The following ABCB1 variants were observed in gnomAD, a reference collection of about 807,000 sequenced individuals.
The protein encoded by ABCB1 is ATP-dependent translocase ABCB1.
In ABCB1, 69 loss-of-function variants were observed where a neutral mutation model predicts 142.0. That is an observed-to-expected ratio of 0.49 (90% CI 0.40 to 0.59). ABCB1 has a LOEUF of 0.59. ABCB1 is among the 20% of genes least tolerant of loss of function. The probability of loss-of-function intolerance (pLI) is 0.00; values close to 1 mark genes in which losing one functional copy is unlikely to be tolerated. For missense variants in ABCB1, 1,326 were observed against 1,554.7 expected, an observed-to-expected ratio of 0.85 and a Z score of 2.47; for synonymous variants, 532 against 539.2, an observed-to-expected ratio of 0.99 and a Z score of 0.18.
intron 21 of ABCB1, among the ~76,000 whole-genome samples, chr7:87,527,061 T>C (rs1190585220): frequency 6.6e-6 from 1 of 152,180 alleles, no homozygotes; most frequent in Non-Finnish European, 1.5e-5. Flanking sequence ...TTCTTCTCAA[T>C]GATTTTTTTT....
intron 1 of ABCB1, chr7:87,650,889 A>G: frequency 6.2e-7 from 1 of 1,613,122 alleles, no homozygotes; most frequent in Non-Finnish European, 8.5e-7. Context: ...TCCTGAATTT[A>G]ACAATTTTGC....
In ABCB1 at chr7:87,674,215, G is replaced by A. The variant is rs78683675; in HGVS notation, c.-331+38946C>T. Reference sequence around the variant, plus strand: ...GTGCCAGCATCTGCAGAAGTATAGCGAGGTACACCCTCATTGGCTGGGGCA... The same window carrying A: ...GTGCCAGCATCTGCAGAAGTATAGCAAGGTACACCCTCATTGGCTGGGGCA... On this transcript the variant is annotated intron_variant, in intron 1 of 28. Coordinates refer to the ABCB1 transcript ENST00000265724. Among the ~76,000 whole-genome samples the A allele has an allele frequency of 2.0e-4, 31 of 152,294 alleles. No individual in the cohort carries two copies. In the East Asian group the frequency reaches 5.2e-3, roughly 26 times the overall value.
intron 1 of ABCB1, among the ~76,000 whole-genome samples, chr7:87,623,273 T>C (rs182824036): frequency 3.9e-4 from 60 of 152,340 alleles, no homozygotes; most frequent in Admixed American, 3.4e-3. Flanking sequence ...GGTTTGTTAA[T>C]GCCCTTCTAC....
chr7:87,626,263 C>CAT (rs1217018680), intron 1 of ABCB1, among the ~76,000 whole-genome samples: 2 of 68,492 alleles, frequency 2.9e-5, no homozygotes, highest in African/African-American at 7.1e-5. Flanking sequence ...ATATATGTGT[C>CAT]ATATATGTGT....
At chr7:87,582,994 T>C (rs1293793596) in intron 4 of ABCB1, among the ~76,000 whole-genome samples, 2 of 152,208 alleles carry the variant, frequency 1.3e-5, no homozygotes, top group Non-Finnish European at 2.9e-5. Flanking sequence ...CATCATATAA[T>C]AGGTACTGAG....
At chr7:87,596,603 G>A (rs1430164701) in intron 2 of ABCB1, among the ~76,000 whole-genome samples, 2 of 151,782 alleles carry the variant, frequency 1.3e-5, no homozygotes, top group Non-Finnish European at 2.9e-5. Flanking sequence ...TGCCTCATCT[G>A]TATTTTTGTA....
chr7:87,507,981 A>C (rs1814821886), intron 26 of ABCB1, among the ~76,000 whole-genome samples: 1 of 146,218 alleles, frequency 6.8e-6, no homozygotes, highest in African/African-American at 2.5e-5. Context: ...GAGGACTATT[A>C]GTGTAGGGAG....
intron 1 of ABCB1, among the ~76,000 whole-genome samples, chr7:87,707,728 A>G (rs1377700286): frequency 6.6e-6 from 1 of 152,056 alleles, no homozygotes; most frequent in Admixed American, 6.6e-5. Context: ...TGCAAAATAT[A>G]CATTCTTATC....
At chr7:87,710,769 C>T (rs1019640626) in intron 1 of ABCB1, 1 of 550,082 alleles carries the variant, frequency 1.8e-6, no homozygotes. Context: ...TTTATTTCCT[C>T]CTTTTGTTAC....
chr7:87,581,729 T>A (rs1202171), intron 4 of ABCB1, among the ~76,000 whole-genome samples: 106,552 of 152,060 alleles, frequency 0.7, 37,755 homozygotes, highest in East Asian at 0.98. Context: ...TTTAGAGCTG[T>A]CTAATTAGAT....
chr7:87,623,228 T>G (rs898443673), intron 1 of ABCB1, among the ~76,000 whole-genome samples: 1 of 152,188 alleles, frequency 6.6e-6, no homozygotes, highest in African/African-American at 2.4e-5. Flanking sequence ...GATTAATTGA[T>G]GCAATGCATA....
At chr7:87,605,534 G>T (rs1281724422), upstream of ABCB1, among the ~76,000 whole-genome samples, 1 of 152,142 alleles carries the variant, frequency 6.6e-6, no homozygotes, top group African/African-American at 2.4e-5. Context: ...AATAGCACAA[G>T]AAATGTTTTT....
At chr7:87,700,773 T>C (rs1828961326) in intron 1 of ABCB1, among the ~76,000 whole-genome samples, 2 of 152,220 alleles carry the variant, frequency 1.3e-5, no homozygotes, top group South Asian at 4.1e-4. Flanking sequence ...GACCCTTTCT[T>C]TAATGGGTAC....
chr7:87,613,014 T>A (rs1424909431), intron 1 of ABCB1, among the ~76,000 whole-genome samples: 1 of 142,440 alleles, frequency 7.0e-6, no homozygotes, highest in African/African-American at 2.5e-5. Flanking sequence ...TTGGTGGGTT[T>A]TTTTTTTTTT....
intron 17 of ABCB1, among the ~76,000 whole-genome samples, chr7:87,542,658 CT>C (rs71649831): frequency 0.43 from 62,593 of 146,280 alleles, 13,181 homozygotes; most frequent in African/African-American, 0.46. Context: ...TAACCATTTC[CT>C]TTTTTTTTTT....
chr7:87,634,822 A>T (rs996179192), intron 1 of ABCB1, among the ~76,000 whole-genome samples: 9 of 152,158 alleles, frequency 5.9e-5, no homozygotes, highest in Admixed American at 2.6e-4. Context: ...ATTCAACATT[A>T]GTTATATACC....
chr7:87,584,521 C>T (rs1258826367), intron 4 of ABCB1, among the ~76,000 whole-genome samples: 1 of 152,084 alleles, frequency 6.6e-6, no homozygotes, highest in Non-Finnish European at 1.5e-5. Context: ...GATATCAACC[C>T]ATTCCTCCCC....
At chr7:87,614,372 C>A (rs1045371361) in intron 1 of ABCB1, among the ~76,000 whole-genome samples, 1 of 149,382 alleles carries the variant, frequency 6.7e-6, no homozygotes, top group Non-Finnish European at 1.5e-5. Context: ...ACAGCCTGAG[C>A]AACAGAGCAA....
At chr7:87,657,062 C>G (rs28483333) in intron 1 of ABCB1, among the ~76,000 whole-genome samples, 1 of 151,946 alleles carries the variant, frequency 6.6e-6, no homozygotes, top group Non-Finnish European at 1.5e-5. Context: ...CATACTTTCC[C>G]CTATTTCTCT....
Sources: gnomAD v4.1 joint callset for allele counts (sites outside exome capture counted in the v4.1 genomes callset) on GRCh38, gnomAD v4.1.1 for gene constraint, MANE v1.5 for transcripts, NCBI Gene and HGNC (gene_info 2026-07-23, HGNC 2026-07-21) for gene names.